The following CSGALNACT1 variants were observed in gnomAD, a reference collection of about 807,000 sequenced individuals.
CSGALNACT1 encodes the protein chondroitin sulfate N-acetylgalactosaminyltransferase 1, also known as beta4GalNAcT-1.
Under a neutral mutation model 51.0 loss-of-function variants are expected in CSGALNACT1, and 52 were observed. That is an observed-to-expected ratio of 1.02 (90% CI 0.82 to 1.29). The LOEUF (loss-of-function observed/expected upper bound fraction) is 1.29, where lower values mean the gene tolerates loss of function less well. Ranked by LOEUF, CSGALNACT1 falls within the 50% of genes most tolerant of loss-of-function variation. The probability of loss-of-function intolerance (pLI) is 0.00; values close to 1 mark genes in which losing one functional copy is unlikely to be tolerated. For synonymous variants in CSGALNACT1, 341 were observed against 254.4 expected, an observed-to-expected ratio of 1.34 and a Z score of -3.24; for missense variants, 935 against 679.2, an observed-to-expected ratio of 1.38 and a Z score of -4.19.
In CSGALNACT1 at chr8:19,667,016, AAAGGAAGGAAGGAAGG is replaced by A. The variant is rs71205941; in HGVS notation, c.-544+15441_-544+15456del. ...GAAAGAAAGAAAGAAAGAAAGAAAG[AAAGGAAGGAAGGAAGG>A]AAGGAAGGAAGAAAGAAAGAAAGAA... On this transcript the variant is annotated intron_variant, in intron 1 of 9. Transcript: ENST00000332246. Among the ~76,000 whole-genome samples the A allele has an allele frequency of 4.6e-5, 2 of 43,474 alleles. 1 individual carries two copies. The highest frequency in any genetic ancestry group is 4.8e-4 in the Admixed American group (2 of 4,194). The allele number at this position is 43,474 out of a possible 152,430, so 28.5% of individuals were successfully genotyped here.
chr8:19,574,519 A>G (rs1429055821), intron 3 of CSGALNACT1, among the ~76,000 whole-genome samples: 2 of 152,164 alleles, frequency 1.3e-5, no homozygotes, highest in Non-Finnish European at 2.9e-5. Flanking sequence ...TTGCACAACA[A>G]ATGCTGGCAG....
At chr8:19,407,905 TTGTGTG>T (rs60746708) in intron 9 of CSGALNACT1, among the ~76,000 whole-genome samples, 3,627 of 112,714 alleles carry the variant, frequency 0.032, 96 homozygotes, top group African/African-American at 0.059. Context: ...TGTATATGAA[TTGTGTG>T]TGTGTGTGTG....
chr8:19,517,050 G>A (rs1232404700), intron 3 of CSGALNACT1, among the ~76,000 whole-genome samples: 1 of 152,210 alleles, frequency 6.6e-6, no homozygotes, highest in African/African-American at 2.4e-5. Context: ...TAAGACGCCA[G>A]GAGTTTATAC....
intron 4 of CSGALNACT1, chr8:19,495,035 T>G (rs908715191): frequency 2.0e-5 from 3 of 152,140 alleles, no homozygotes; most frequent in African/African-American, 7.2e-5. Flanking sequence ...CAGCAGATAC[T>G]CACTCCGAAG....
At chr8:19,657,452 G>A (rs1404169905) in intron 1 of CSGALNACT1, among the ~76,000 whole-genome samples, 2 of 152,132 alleles carry the variant, frequency 1.3e-5, no homozygotes, top group African/African-American at 4.8e-5. Context: ...TAAAGTTGCA[G>A]AAGATCCAAT....
At chr8:19,737,243 A>C (rs894962246) in intron 1 of CSGALNACT1, among the ~76,000 whole-genome samples, 2 of 152,176 alleles carry the variant, frequency 1.3e-5, no homozygotes, top group Admixed American at 6.5e-5. Flanking sequence ...ACTTCTAAAT[A>C]ATGTATTTCG....
chr8:19,741,156 A>G (rs554378721), intron 1 of CSGALNACT1, among the ~76,000 whole-genome samples: 223 of 152,328 alleles, frequency 1.5e-3, no homozygotes, highest in Non-Finnish European at 2.5e-3. Flanking sequence ...CCCATAACCT[A>G]TCTAATCTAC....
chr8:19,464,963 A>T (rs777980232), intron 4 of CSGALNACT1, among the ~76,000 whole-genome samples: 1 of 152,190 alleles, frequency 6.6e-6, no homozygotes, highest in Non-Finnish European at 1.5e-5. Context: ...TAGAAATACC[A>T]TATGATTCAG....
intron 1 of CSGALNACT1, among the ~76,000 whole-genome samples, chr8:19,641,247 A>C (rs1270703442): frequency 6.6e-6 from 1 of 150,722 alleles, no homozygotes; most frequent in Non-Finnish European, 1.5e-5. Flanking sequence ...AGCCTCACCC[A>C]ATCCCTCTAT....
intron 1 of CSGALNACT1, among the ~76,000 whole-genome samples, chr8:19,656,761 G>T (rs752319986): frequency 7.2e-5 from 11 of 152,086 alleles, no homozygotes; most frequent in Non-Finnish European, 1.2e-4. Context: ...TAGCTAAATA[G>T]AACTTTTAGA....
At chr8:19,663,395 G>GA (rs2058926380) in intron 1 of CSGALNACT1, among the ~76,000 whole-genome samples, 3 of 152,222 alleles carry the variant, frequency 2.0e-5, no homozygotes, top group African/African-American at 7.2e-5. Context: ...AAAACTTACT[G>GA]AAAAATCACT....
intron 3 of CSGALNACT1, among the ~76,000 whole-genome samples, chr8:19,516,505 C>T (rs1042036895): frequency 1.3e-5 from 2 of 152,156 alleles, no homozygotes; most frequent in Non-Finnish European, 2.9e-5. Context: ...GCATGAATCA[C>T]TGCTTCTCTA....
At chr8:19,728,299 G>A (rs551056735) in intron 1 of CSGALNACT1, among the ~76,000 whole-genome samples, 2 of 152,054 alleles carry the variant, frequency 1.3e-5, no homozygotes, top group Non-Finnish European at 2.9e-5. Flanking sequence ...CCACAGCCAC[G>A]GTTTAACAAT....
At chr8:19,631,884 A>G (rs939030012) in intron 1 of CSGALNACT1, among the ~76,000 whole-genome samples, 1 of 152,186 alleles carries the variant, frequency 6.6e-6, no homozygotes, top group African/African-American at 2.4e-5. Flanking sequence ...GGCAGCAGGG[A>G]GGGGCCTGGC....
intron 3 of CSGALNACT1, among the ~76,000 whole-genome samples, chr8:19,514,163 G>C (rs11783263): frequency 0.58 from 87,891 of 151,836 alleles, 26,810 homozygotes; most frequent in East Asian, 0.84. Context: ...AGAGGTGCTT[G>C]AGCCAAATCC....
chr8:19,657,412 A>G (rs1201688950), intron 1 of CSGALNACT1, among the ~76,000 whole-genome samples: 1 of 152,250 alleles, frequency 6.6e-6, no homozygotes, highest in African/African-American at 2.4e-5. Context: ...ATGGTTGGAT[A>G]TTTTCTAGAA....
rs113499173 is a variant in CSGALNACT1, at chr8:19,467,874, T to A, written c.635-9232A>T. Among the ~76,000 whole-genome samples the A allele has an allele frequency of 1.2e-4, 18 of 152,230 alleles. No homozygotes were observed. In the East Asian group the frequency reaches 3.5e-3, roughly 29 times the overall value. On this transcript the variant is annotated intron_variant, in intron 4 of 9. Coordinates refer to ENST00000454498, the Ensembl canonical transcript of CSGALNACT1. ...GGTTGTATGCCCCTGTAGTCCCAGA[T>A]AGTCAGGAGGCTGAGGTAGGAGGAT...
chr8:19,582,804 A>G (rs7840615), intron 3 of CSGALNACT1, among the ~76,000 whole-genome samples: 22,712 of 152,166 alleles, frequency 0.15, 2,639 homozygotes, highest in African/African-American at 0.33. Flanking sequence ...CTGTGTATGT[A>G]TATAAGCCAA....
intron 3 of CSGALNACT1, among the ~76,000 whole-genome samples, chr8:19,534,475 G>A (rs577455283): frequency 2.9e-4 from 44 of 152,160 alleles, no homozygotes; most frequent in African/African-American, 1.0e-3. Flanking sequence ...CTGTGTAAGA[G>A]TACTTATTTA....
Sources: gnomAD v4.1 joint callset for allele counts (sites outside exome capture counted in the v4.1 genomes callset) on GRCh38, gnomAD v4.1.1 for gene constraint, MANE v1.5 for transcripts, NCBI Gene and HGNC (gene_info 2026-07-23, HGNC 2026-07-21) for gene names.